The following LSAMP variants were observed in gnomAD, a reference collection of about 807,000 sequenced individuals.
LSAMP encodes the protein limbic system associated membrane protein.
Under a neutral mutation model 38.6 loss-of-function variants are expected in LSAMP, and 7 were observed. That is an observed-to-expected ratio of 0.18 (90% CI 0.10 to 0.34). LSAMP has a LOEUF of 0.34. LSAMP is among the 10% of genes least tolerant of loss of function. LSAMP has a pLI of 1.00. For missense variants in LSAMP, 313 were observed against 420.0 expected (o/e 0.75, Z 2.23); for synonymous variants, 154 against 166.8 (o/e 0.92, Z 0.59).
At chr3:116,061,642 A>G (rs997157112) in intron 2 of LSAMP, among the ~76,000 whole-genome samples, 2 of 152,180 alleles carry the variant, frequency 1.3e-5, no homozygotes. Flanking sequence ...TTTTCTCCAT[A>G]GCACTATCAC....
intron 3 of LSAMP, among the ~76,000 whole-genome samples, chr3:115,975,891 A>T (rs930729577): frequency 1.3e-5 from 2 of 152,132 alleles, no homozygotes; most frequent in Non-Finnish European, 2.9e-5. Flanking sequence ...AAATGTCCCA[A>T]CTGCCCCCTC....
At chr3:116,222,716 T>G (rs1372632624) in intron 1 of LSAMP, among the ~76,000 whole-genome samples, 1 of 124,622 alleles carries the variant, frequency 8.0e-6, no homozygotes, top group Non-Finnish European at 1.6e-5. Flanking sequence ...CCTTTCATCC[T>G]CTCCTTTTTT....
chr3:115,938,728 G>T (rs774806119), intron 3 of LSAMP, among the ~76,000 whole-genome samples: 12 of 152,128 alleles, frequency 7.9e-5, no homozygotes, highest in Non-Finnish European at 1.2e-4. Flanking sequence ...TGTCAATATA[G>T]AAGGACAAGT....
At position 115,808,512 on chromosome 3, in the gene LSAMP, T is replaced by G. The variant is rs1933702663; in HGVS notation, c.*1805A>C. On this transcript the variant is annotated 3_prime_UTR_variant, in exon 7 of 7. Transcript: ENST00000490035. ...AGCTTTGTGGTACTCATAAAATTTC[T>G]GTCTAAATTTATTACAAGTTGCCCA... 6.6e-6 allele frequency: 1 copy of G among 152,036 alleles called. No individual in the cohort carries two copies. The highest frequency in any genetic ancestry group is 1.9e-4 in the East Asian group (1 of 5,176). The allele number at this position is 152,036 out of a possible 1,614,324, so 9.4% of individuals were successfully genotyped here. A position where few individuals can be genotyped will look rare whatever the true frequency, so the allele number is the denominator to read the frequency against.
chr3:115,878,656 T>G (rs1470872129), intron 3 of LSAMP, among the ~76,000 whole-genome samples: 1 of 151,800 alleles, frequency 6.6e-6, no homozygotes, highest in East Asian at 1.9e-4. Context: ...GAGATGGGAT[T>G]TCATCATGTT....
chr3:116,166,504 T>G (rs1385654998), intron 1 of LSAMP, among the ~76,000 whole-genome samples: 1 of 152,204 alleles, frequency 6.6e-6, no homozygotes, highest in Non-Finnish European at 1.5e-5. Flanking sequence ...AGCATTGTTA[T>G]AAGCAACTGC....
At chr3:116,000,703 G>C (rs550106597) in intron 3 of LSAMP, among the ~76,000 whole-genome samples, 35 of 152,238 alleles carry the variant, frequency 2.3e-4, no homozygotes, top group Middle Eastern at 3.4e-3. Flanking sequence ...ATGTTATCAG[G>C]TGTTGGCAAT....
At chr3:116,307,725 C>T (rs1330008111) in intron 1 of LSAMP, among the ~76,000 whole-genome samples, 2 of 151,808 alleles carry the variant, frequency 1.3e-5, no homozygotes, top group Admixed American at 6.6e-5. Context: ...ATTAAAATAG[C>T]ATTTAGAGAG....
At chr3:116,336,259 G>T (rs1380137470) in intron 1 of LSAMP, among the ~76,000 whole-genome samples, 2 of 151,956 alleles carry the variant, frequency 1.3e-5, no homozygotes, top group Non-Finnish European at 2.9e-5. Context: ...AGACAAAAAA[G>T]ACAAGGTGGA....
At chr3:116,268,426 T>C (rs1231953596) in intron 1 of LSAMP, among the ~76,000 whole-genome samples, 2 of 152,132 alleles carry the variant, frequency 1.3e-5, no homozygotes, top group Non-Finnish European at 2.9e-5. Context: ...TGCATCTTCT[T>C]TCTTTCTCAG....
At chr3:115,975,485 CAG>C (rs1939159498) in intron 3 of LSAMP, among the ~76,000 whole-genome samples, 1 of 152,142 alleles carries the variant, frequency 6.6e-6, no homozygotes, top group African/African-American at 2.4e-5. Context: ...AGGAGACAGA[CAG>C]TAAGTTGTTT....
At chr3:116,210,333 C>T (rs34750777) in intron 1 of LSAMP, among the ~76,000 whole-genome samples, 6,627 of 152,220 alleles carry the variant, frequency 0.044, 194 homozygotes, top group Middle Eastern at 0.13. Context: ...TCTGAGTGGG[C>T]ACCATCTAAT....
intron 1 of LSAMP, among the ~76,000 whole-genome samples, chr3:116,413,474 T>C (rs936756341): frequency 1.3e-5 from 2 of 151,982 alleles, no homozygotes; most frequent in Admixed American, 6.6e-5. Context: ...GCTCAAAGGC[T>C]CTCCCCGTAT....
intron 3 of LSAMP, among the ~76,000 whole-genome samples, chr3:115,972,359 A>T (rs930471678): frequency 1.3e-5 from 2 of 152,076 alleles, no homozygotes; most frequent in Non-Finnish European, 2.9e-5. Flanking sequence ...GTACACTAAA[A>T]AGCATGGATT....
chr3:115,923,888 A>G (rs540978620), intron 3 of LSAMP, among the ~76,000 whole-genome samples: 1 of 152,328 alleles, frequency 6.6e-6, no homozygotes, highest in African/African-American at 2.4e-5. Context: ...ACATTGTATT[A>G]TAATAGGTTT....
At chr3:116,256,889 C>CA (rs1443729008) in intron 1 of LSAMP, among the ~76,000 whole-genome samples, 1 of 152,180 alleles carries the variant, frequency 6.6e-6, no homozygotes, top group African/African-American at 2.4e-5. Flanking sequence ...TCCACAGTCA[C>CA]AAAAATCAAG....
chr3:116,049,672 A>AT lies in LSAMP; in HGVS notation c.389-30033dup, dbSNP rs1346036146. On this transcript the variant is annotated intron_variant, in intron 2 of 6. Coordinates refer to ENST00000490035, the MANE Select transcript of LSAMP (RefSeq NM_002338.5). ...CCATATGTTCCTGGATCAATTAAAC[A>AT]TTTTTTTCTGAAGGATAGTTCTGGA... Among the ~76,000 whole-genome samples, 3 of 152,252 alleles carry AT rather than the reference A, an allele frequency of 2.0e-5. No individual in the cohort carries two copies. In the South Asian group the frequency reaches 6.2e-4, roughly 32 times the overall value.
chr3:116,429,257 T>A (rs1007442128), intron 1 of LSAMP, among the ~76,000 whole-genome samples: 4 of 152,194 alleles, frequency 2.6e-5, no homozygotes, highest in African/African-American at 9.7e-5. Flanking sequence ...TTTAGGTAAA[T>A]TAAAGTCACT....
chr3:116,091,351 G>A (rs1708119028), intron 1 of LSAMP, among the ~76,000 whole-genome samples: 1 of 152,206 alleles, frequency 6.6e-6, no homozygotes, highest in African/African-American at 2.4e-5. Context: ...TACAATTTGT[G>A]CAGTTAATGC....
Sources: gnomAD v4.1 joint callset for allele counts (sites outside exome capture counted in the v4.1 genomes callset) on GRCh38, gnomAD v4.1.1 for gene constraint, MANE v1.5 for transcripts, NCBI Gene and HGNC (gene_info 2026-07-23, HGNC 2026-07-21) for gene names.